Variants in EPB41L4B observed in about 807,000 individuals in gnomAD.
EPB41L4B encodes band 4.1-like protein 4B.
Under a neutral mutation model 112.5 loss-of-function variants are expected in EPB41L4B, and 30 were observed. The observed-to-expected ratio is 0.27, with a 90% CI of 0.20 to 0.36. The LOEUF is 0.36. EPB41L4B is among the 10% of genes least tolerant of loss of function. The probability of loss-of-function intolerance (pLI) is 1.00; values close to 1 mark genes in which losing one functional copy is unlikely to be tolerated. For missense variants in EPB41L4B, 1,024 were observed against 1,133.3 expected, an observed-to-expected ratio of 0.90 and a Z score of 1.38; for synonymous variants, 408 against 439.7, an observed-to-expected ratio of 0.93 and a Z score of 0.90.
intron 15 of EPB41L4B, among the ~76,000 whole-genome samples, chr9:109,229,572 A>C (rs1833888235): frequency 6.6e-6 from 1 of 152,194 alleles, no homozygotes; most frequent in Non-Finnish European, 1.5e-5. Context: ...TGTAGCCCAC[A>C]CAGTAGACTC....
chr9:109,320,285 G>A lies in EPB41L4B; in HGVS notation c.162C>T (p.Pro54=). The part of the protein sequence containing the change: ...AASSSALPAA[P]GGSVFPAGGG... ...CGCCCGCCGGGAACACGCTGCCCCC[G>A]GGCGCGGCGGGCAGCGCCGAGGAGG... Residue 54 remains proline (P), a synonymous_variant, in exon 1 of 26, where the codon CCC becomes CCT. Coordinates refer to ENST00000374566, the MANE Select transcript of EPB41L4B (RefSeq NM_019114.5). 1 of 1,117,658 alleles carries A rather than the reference G, an allele frequency of 8.9e-7. No individual in the cohort carries two copies. The highest frequency in any genetic ancestry group is 1.1e-6 in the Non-Finnish European group (1 of 913,276). 69.2% of individuals were successfully genotyped at this position (1,117,658 alleles called of 1,614,324 possible). A position where few individuals can be genotyped will look rare whatever the true frequency, so the allele number is the denominator to read the frequency against.
chr9:109,280,941 A>T (rs755307085), intron 1 of EPB41L4B, among the ~76,000 whole-genome samples: 2 of 152,200 alleles, frequency 1.3e-5, no homozygotes, highest in Admixed American at 6.5e-5. Flanking sequence ...AGACGGCAGC[A>T]TATGCAAAAA....
At chr9:109,204,030 A>G (rs1477887695) in intron 18 of EPB41L4B, among the ~76,000 whole-genome samples, 1 of 152,224 alleles carries the variant, frequency 6.6e-6, no homozygotes, top group Non-Finnish European at 1.5e-5. Flanking sequence ...TAGTGTGGGA[A>G]AAGCCAAACC....
At chr9:109,314,839 T>C (rs66603727) in intron 1 of EPB41L4B, among the ~76,000 whole-genome samples, 59,040 of 152,004 alleles carry the variant, frequency 0.39, 13,538 homozygotes, top group African/African-American at 0.64. Context: ...GATAAGCCAG[T>C]GTGCCCATGG....
intron 1 of EPB41L4B, among the ~76,000 whole-genome samples, chr9:109,305,489 G>A (rs1045542852): frequency 6.6e-6 from 1 of 151,790 alleles, no homozygotes; most frequent in Admixed American, 6.6e-5. Flanking sequence ...GTGGTGGCGG[G>A]TGCCTGTAAT....
intron 5 of EPB41L4B, among the ~76,000 whole-genome samples, chr9:109,264,100 C>T (rs1191549904): frequency 6.6e-6 from 1 of 152,138 alleles, no homozygotes; most frequent in Non-Finnish European, 1.5e-5. Flanking sequence ...ATAATACACA[C>T]ACCAACCAAA....
intron 20 of EPB41L4B, among the ~76,000 whole-genome samples, chr9:109,198,594 C>T (rs1832720443): frequency 6.6e-6 from 1 of 152,114 alleles, no homozygotes; most frequent in South Asian, 2.1e-4. Context: ...AGTACCCATG[C>T]CATAGCTAAG....
At chr9:109,289,327 T>G (rs1167129064) in intron 1 of EPB41L4B, among the ~76,000 whole-genome samples, 1 of 152,194 alleles carries the variant, frequency 6.6e-6, no homozygotes, top group African/African-American at 2.4e-5. Context: ...TGTCCTTCCT[T>G]TGCCTAGGAT....
intron 20 of EPB41L4B, chr9:109,196,420 T>C (rs1362593539): frequency 2.0e-5 from 3 of 152,134 alleles, no homozygotes; most frequent in Non-Finnish European, 4.4e-5. Flanking sequence ...CTGGTATCAA[T>C]AAAAAATGAC....
chr9:109,237,030 T>G (rs1834170164), intron 15 of EPB41L4B, among the ~76,000 whole-genome samples: 1 of 152,204 alleles, frequency 6.6e-6, no homozygotes, highest in Non-Finnish European at 1.5e-5. Context: ...TGAGCTCAGA[T>G]TTTAAAGGAC....
chr9:109,175,456 C>CTCCACTGT (rs1831784043), intron 25 of EPB41L4B, among the ~76,000 whole-genome samples: 1 of 143,308 alleles, frequency 7.0e-6, no homozygotes, highest in Admixed American at 7.2e-5. Flanking sequence ...TGTAACCTGT[C>CTCCACTGT]TCCACTGTTT....
rs1564317115 is a variant in EPB41L4B at position 109,281,709 on chromosome 9, TAAATA to T, written c.307-1793_307-1789del. 1.1e-3 allele frequency among the ~76,000 whole-genome samples: 142 copies of T among 128,210 alleles called. 1 individual carries two copies. Among genetic ancestry groups the T allele is most frequent in the East Asian group, 4.2e-3 (19 of 4,572 alleles). 84.1% of individuals were successfully genotyped at this position (128,210 alleles called of 152,430 possible). ...ATAAATAAATAAATAAATAAATAAA[TAAATA>T]AATAAATAAATTAATTAATTAATTT... is the stretch of plus-strand genomic sequence containing the variant. On this transcript the variant is annotated intron_variant, in intron 1 of 25. Coordinates refer to ENST00000374566, the MANE Select transcript of EPB41L4B (RefSeq NM_019114.5).
intron 1 of EPB41L4B, chr9:109,301,149 C>G (rs552230638): frequency 6.6e-6 from 1 of 152,316 alleles, no homozygotes; most frequent in Non-Finnish European, 1.5e-5. Context: ...TCACTTAGCC[C>G]CAACGCCCTG....
intron 19 of EPB41L4B, among the ~76,000 whole-genome samples, chr9:109,201,127 T>C (rs1832809306): frequency 6.6e-6 from 1 of 152,120 alleles, no homozygotes; most frequent in Non-Finnish European, 1.5e-5. Flanking sequence ...GTGCTCAATA[T>C]GGTGATAAGT....
intron 15 of EPB41L4B, among the ~76,000 whole-genome samples, chr9:109,228,109 T>C (rs997392159): frequency 6.6e-6 from 1 of 152,236 alleles, no homozygotes; most frequent in African/African-American, 2.4e-5. Context: ...TCAGCAGTTA[T>C]CCTTGCCTTA....
In EPB41L4B at chr9:109,185,894, C is replaced by T. The variant is rs1167423331; in HGVS notation, c.2302-289G>A. ...GACATACCAAGACCCCATTCCCAGGCCTGGTAGGTAGAGGCTATCTCCTGT... is the reference window on the plus strand; with the variant it reads ...GACATACCAAGACCCCATTCCCAGGTCTGGTAGGTAGAGGCTATCTCCTGT... On this transcript the variant is annotated intron_variant, in intron 22 of 25. Coordinates refer to ENST00000374566, the MANE Select transcript of EPB41L4B (RefSeq NM_019114.5). Among the ~76,000 whole-genome samples the T allele has an allele frequency of 8.0e-5, 12 of 150,484 alleles. No individual in the cohort carries two copies. In the Admixed American group the frequency reaches 8.1e-4, roughly 10 times the overall value.
chr9:109,255,723 C>T (rs750526437), intron 10 of EPB41L4B, 43 bp from the exon 11 acceptor site: 1 of 1,611,272 alleles, frequency 6.2e-7, no homozygotes, highest in Non-Finnish European at 8.5e-7. Flanking sequence ...CGTTTGCAAC[C>T]CCAACACAGG....
chr9:109,241,951 T>C (rs1200178904), intron 15 of EPB41L4B: 3 of 779,972 alleles, frequency 3.8e-6, no homozygotes, highest in African/African-American at 3.5e-5. Context: ...TGGAAATGAA[T>C]GGATTTCCTA....
At chr9:109,210,207 G>A (rs1833118541) in intron 17 of EPB41L4B, among the ~76,000 whole-genome samples, 1 of 152,172 alleles carries the variant, frequency 6.6e-6, no homozygotes, top group Non-Finnish European at 1.5e-5. Context: ...ATTATCCTGA[G>A]GGCCTCCACA....
Sources: gnomAD v4.1 joint callset for allele counts (sites outside exome capture counted in the v4.1 genomes callset) on GRCh38, gnomAD v4.1.1 for gene constraint, MANE v1.5 for transcripts, NCBI Gene and HGNC (gene_info 2026-07-23, HGNC 2026-07-21) for gene names.